Variants in TCHHL1 observed in about 807,000 individuals in gnomAD.
The protein encoded by TCHHL1 is trichohyalin like 1.
TCHHL1 carries 1 observed loss-of-function variant against 3.5 expected under a neutral mutation model. The ratio of observed to expected loss-of-function variants is 0.29; its 90% CI spans 0.10 to 1.36. The LOEUF is 1.36. TCHHL1 is among the 40% of genes most tolerant of loss of function. The pLI is 0.43. For missense variants in TCHHL1, 1,027 were observed against 1,032.8 expected (o/e 0.99, Z 0.08); for synonymous variants, 405 against 375.3 (o/e 1.08, Z -0.92).
In TCHHL1 at chr1:152,085,131, T is replaced by G; in HGVS notation, c.2551A>C (p.Asn851His). The change falls in exon 3 of 3, where the codon AAC becomes CAC. Residue 851 changes from asparagine to histidine, a missense_variant. Physicochemically the swap from Asn to His is moderately conservative, Grantham distance 68. This residue lies in a region of TCHHL1 where 673 missense variants were observed against 658.6 expected (regional missense o/e 1.02). Coordinates refer to ENST00000368806, the MANE Select transcript of TCHHL1 (RefSeq NM_001008536.2). ...SEISDCSVFF[N>H]YSQASQPYTR... is the part of the protein sequence containing the mutation. ...TATGGTTGTGATGCTTGGCTGTAGT[T>G]GAAAAAGACAGAACAATCTGAGATC... 6.2e-7 allele frequency: 1 copy of G among 1,614,092 alleles called. No homozygotes were observed. The highest frequency in any genetic ancestry group is 8.5e-7 in the Non-Finnish European group (1 of 1,180,030).
rs377535000 is a variant in TCHHL1 at position 152,087,227 on chromosome 1, A to T, written c.455T>A (p.Val152Asp). The T allele has an allele frequency of 6.2e-7, 1 of 1,613,988 alleles. No individual in the cohort carries two copies. Among genetic ancestry groups the T allele is most frequent in the South Asian group, 1.1e-5 (1 of 91,076 alleles). ...CCATGGGTCCACTCTGTTATTTCCA[A>T]CTGCTCCACTTTCTTCAGGGATGAG... ...SQLIPEESGA[V>D]GNNRVDPWRE... is the part of the protein sequence containing the mutation. Residue 152 changes from valine to aspartate, a missense_variant, in exon 3 of 3, where the codon GTT becomes GAT. By Grantham distance (152) the Val-to-Asp change is radical. Coordinates refer to ENST00000368806, the MANE Select transcript of TCHHL1 (RefSeq NM_001008536.2).
chr1:152,085,247 T>C lies in TCHHL1; in HGVS notation c.2435A>G (p.Gln812Arg), dbSNP rs1396112028. The C allele has an allele frequency of 6.2e-7, 1 of 1,614,130 alleles. No homozygotes were observed. Among genetic ancestry groups the C allele is most frequent in the African/African-American group, 1.3e-5 (1 of 74,930 alleles). ...YQYLQEKILQ[Q>R]TNVTQEEHQK... is the part of the protein sequence containing the mutation. ...ATGCTCCTCTTGGGTTACATTTGTT[T>C]GCTGCAGTATCTTCTCCTGTAGGTA... Residue 812 changes from glutamine (Q) to arginine (R), a missense_variant, in exon 3 of 3, where the codon CAA (glutamine) becomes CGA (arginine). Gln to Arg is a conservative substitution (Grantham distance 43). Around this residue, in one of 3 missense-constraint regions of TCHHL1, gnomAD observed 673 missense variants for 658.6 expected, o/e 1.02. Transcript: ENST00000368806.
chr1:152,084,338 G>A lies in TCHHL1; in HGVS notation c.*629C>T. 6.0e-6 allele frequency: 1 copy of A among 167,046 alleles called. No individual in the cohort carries two copies. 10.3% of individuals were successfully genotyped at this position (167,046 alleles called of 1,614,324 possible). On this transcript the variant is annotated 3_prime_UTR_variant, in exon 3 of 3. Transcript: ENST00000368806. Reference sequence around the variant, plus strand: ...AAAAGCTATGAAAAGTTTGTGTAAGGAGTGGGATTTAATAAAAATTTGTTG... The same window carrying A: ...AAAAGCTATGAAAAGTTTGTGTAAGAAGTGGGATTTAATAAAAATTTGTTG...
In TCHHL1 at chr1:152,084,729, T is replaced by C. The variant is rs1420680423; in HGVS notation, c.*238A>G. ...AGGTACATTGAGATAAACTGTCTCA[T>C]GACAAAGCCCATTTTGGCATTTGGA... On this transcript the variant is annotated 3_prime_UTR_variant, in exon 3 of 3. Transcript: ENST00000368806. The C allele has an allele frequency of 2.1e-6, 1 of 486,794 alleles. No individual in the cohort carries two copies. The highest frequency in any genetic ancestry group is 3.6e-6 in the Non-Finnish European group (1 of 278,608). The allele number at this position is 486,794 out of a possible 1,614,324, so 30.2% of individuals were successfully genotyped here. A position where few individuals can be genotyped will look rare whatever the true frequency, so the allele number is the denominator to read the frequency against.
chr1:152,086,005 A>G lies in TCHHL1; in HGVS notation c.1677T>C (p.Asn559=), dbSNP rs1030662161. The part of the protein sequence containing the change: ...TPNSLASEEG[N]SSSETGELPV... Reference sequence around the variant, plus strand: ...GCAGTTCACCTGTCTCTGAGCTGCTATTGCCTTCCTCTGAAGCCAGGCTGT... The same window carrying G: ...GCAGTTCACCTGTCTCTGAGCTGCTGTTGCCTTCCTCTGAAGCCAGGCTGT... The change falls in exon 3 of 3, where the codon AAT becomes AAC. Residue 559 remains asparagine (N), a synonymous_variant. Coordinates refer to ENST00000368806, the MANE Select transcript of TCHHL1 (RefSeq NM_001008536.2). 1.2e-6 allele frequency: 2 copies of G among 1,614,068 alleles called. No individual in the cohort carries two copies. Among genetic ancestry groups the G allele is most frequent in the Non-Finnish European group, 8.5e-7 (1 of 1,180,018 alleles).
chr1:152,087,010 C>T lies in TCHHL1; in HGVS notation c.672G>A (p.Arg224=). The T allele has an allele frequency of 3.1e-6, 5 of 1,614,128 alleles. No homozygotes were observed. The highest frequency in any genetic ancestry group is 4.2e-6 in the Non-Finnish European group (5 of 1,180,036). Residue 224 remains arginine, a synonymous_variant, in exon 3 of 3, where the codon AGG becomes AGA. Coordinates refer to ENST00000368806, the MANE Select transcript of TCHHL1 (RefSeq NM_001008536.2). ...GSKKTSSPTE[R]KGQDKEISQE... ...GGGAGATCTCCTTATCTTGTCCCTT[C>T]CTCTCTGTGGGACTGCTGGTCTTTT...
Position 152,086,079 on chromosome 1 carries a change from G to T in TCHHL1, c.1603C>A (p.Pro535Thr), listed in dbSNP as rs1485654568. ...TCACTCTGTGTGAATGGTGACTCAG[G>T]GTCCTCCCCCTGGTAACCATCCTCC... ...EEEDGYQGED[P>T]ESPFTQSDEG... Residue 535 changes from proline (P) to threonine (T), a missense_variant, in exon 3 of 3, where the codon CCT becomes ACT. This residue lies in a region of TCHHL1 where 673 missense variants were observed against 658.6 expected (regional missense o/e 1.02). Transcript: ENST00000368806. The T allele has an allele frequency of 1.2e-6, 2 of 1,614,094 alleles. No homozygotes were observed. The highest frequency in any genetic ancestry group is 2.2e-5 in the South Asian group (2 of 91,072).
At position 152,087,957 on chromosome 1, in the gene TCHHL1, A is replaced by T. The variant is rs758627184; in HGVS notation, c.138+49T>A. ...ATATGCTCATCTTGCTTGGATTATAAAGAAAGGGTGAGTTGGAAAGAATTT... is the reference window on the plus strand; with the variant it reads ...ATATGCTCATCTTGCTTGGATTATATAGAAAGGGTGAGTTGGAAAGAATTT... On this transcript the variant is annotated intron_variant, in intron 2 of 2. Coordinates refer to ENST00000368806, the MANE Select transcript of TCHHL1 (RefSeq NM_001008536.2). The T allele has an allele frequency of 7.9e-6, 12 of 1,525,090 alleles. No homozygotes were observed. In the East Asian group the frequency reaches 2.7e-4, roughly 35 times the overall value. 94.5% of individuals were successfully genotyped at this position (1,525,090 alleles called of 1,614,324 possible). A position where few individuals can be genotyped will look rare whatever the true frequency, so the allele number is the denominator to read the frequency against.
At position 152,086,630 on chromosome 1, in the gene TCHHL1, C is replaced by T. The variant is rs533471967; in HGVS notation, c.1052G>A (p.Gly351Asp). 5.0e-6 allele frequency: 8 copies of T among 1,614,142 alleles called. No homozygotes were observed. The highest frequency in any genetic ancestry group is 1.7e-5 in the Admixed American group (1 of 60,018). ...DQTPAKTKNL[G>D]EPEDYGRTSE... is the part of the protein sequence containing the mutation. ...TGTTCTGCCATAATCCTCAGGTTCA[C>T]CCAAATTCTTTGTTTTAGCTGGTGT... The change falls in exon 3 of 3, where the codon GGT becomes GAT. Residue 351 changes from glycine to aspartate, a missense_variant. Gly to Asp is a moderately conservative substitution (Grantham distance 94). This residue lies in a region of TCHHL1 where 673 missense variants were observed against 658.6 expected (regional missense o/e 1.02). Coordinates refer to ENST00000368806, the MANE Select transcript of TCHHL1 (RefSeq NM_001008536.2).
At position 152,085,765 on chromosome 1, in the gene TCHHL1, C is replaced by T. The variant is rs996934668; in HGVS notation, c.1917G>A (p.Gly639=). The change falls in exon 3 of 3, where the codon GGG becomes GGA. Residue 639 remains glycine (G), a synonymous_variant. Transcript: ENST00000368806. ...CCACAGCTGCACCTGGGCCTTTGGTCCCTGGGCCTTGATTCTTGTGTTCTC... is the reference window on the plus strand; with the variant it reads ...CCACAGCTGCACCTGGGCCTTTGGTTCCTGGGCCTTGATTCTTGTGTTCTC... ...ARGEHKNQGP[G]TKGPGAAVEP... 3.1e-6 allele frequency: 5 copies of T among 1,614,130 alleles called. No individual in the cohort carries two copies. The highest frequency in any genetic ancestry group is 4.2e-6 in the Non-Finnish European group (5 of 1,180,024).
rs1228614408 is a variant in TCHHL1 at position 152,086,795 on chromosome 1, T to C, written c.887A>G (p.Glu296Gly). Residue 296 changes from glutamate (E) to glycine (G), a missense_variant, in exon 3 of 3, where the codon GAA becomes GGA. Glu to Gly is a moderately conservative substitution (Grantham distance 98, BLOSUM62 -2). Transcript: ENST00000368806. ...SNIQEPPLQREDEPSSQHADL... is the reference protein window; with the variant it reads ...SNIQEPPLQRGDEPSSQHADL... Reference sequence around the variant, plus strand: ...AGCATGCTGTGAACTGGGCTCATCTTCTCTTTGTAGGGGTGGTTCTTGTAT... The same window carrying C: ...AGCATGCTGTGAACTGGGCTCATCTCCTCTTTGTAGGGGTGGTTCTTGTAT... The C allele has an allele frequency of 6.2e-7, 1 of 1,614,050 alleles. No homozygotes were observed. The highest frequency in any genetic ancestry group is 8.5e-7 in the Non-Finnish European group (1 of 1,180,038).
chr1:152,086,688 C>T lies in TCHHL1; in HGVS notation c.994G>A (p.Asp332Asn). Reference protein sequence around the residue: ...TDSKDVCRMFDTQEPGKDADQ... With the variant: ...TDSKDVCRMFNTQEPGKDADQ... The stretch of plus-strand genomic sequence containing the variant: ...GCATCCTTTCCTGGTTCTTGAGTGT[C>T]AAACATTCTACAGACATCCTTGGAA... Residue 332 changes from aspartate to asparagine, a missense_variant, in exon 3 of 3, where the codon GAC becomes AAC. Coordinates refer to ENST00000368806, the MANE Select transcript of TCHHL1 (RefSeq NM_001008536.2). 1 of 1,614,156 alleles carries T rather than the reference C, an allele frequency of 6.2e-7. No homozygotes were observed. Among genetic ancestry groups the T allele is most frequent in the Non-Finnish European group, 8.5e-7 (1 of 1,180,028 alleles).
Position 152,087,392 on chromosome 1 carries a change from C to T in TCHHL1, c.290G>A (p.Arg97Lys). 6.2e-7 allele frequency: 1 copy of T among 1,613,294 alleles called. No individual in the cohort carries two copies. The highest frequency in any genetic ancestry group is 1.1e-5 in the South Asian group (1 of 91,068). ...CTCCTTCTCTGGTTTAGTCACCTGT[C>T]TTAGTTCAGAACTTAGTAATGATTT... is the stretch of plus-strand genomic sequence containing the variant. ...DIKSLLSSEL[R>K]QVTKPEKEKL... The change falls in exon 3 of 3, where the codon AGA becomes AAA. Residue 97 changes from arginine to lysine, a missense_variant. Physicochemically the swap from Arg to Lys is conservative, Grantham distance 26 (BLOSUM62 2). Transcript: ENST00000368806.
At chr1:152,088,283 T>C (rs778057006) in intron 1 of TCHHL1, 120 bp from the exon 2 acceptor site, 9 of 814,336 alleles carry the variant, frequency 1.1e-5, no homozygotes, top group African/African-American at 1.7e-5. Flanking sequence ...ATTCTGTATC[T>C]TAAAATATTA....
rs1350343274 is a variant in TCHHL1 at position 152,084,990 on chromosome 1, C to A, written c.2692G>T (p.Glu898Ter). The A allele has an allele frequency of 6.2e-7, 1 of 1,613,570 alleles. No homozygotes were observed. Among genetic ancestry groups the A allele is most frequent in the Non-Finnish European group, 8.5e-7 (1 of 1,179,796 alleles). The change falls in exon 3 of 3, where the codon GAG (glutamate) becomes TAG (stop). Residue 898 changes from glutamate (E) to a stop codon, truncating the protein, a stop_gained. Transcript: ENST00000368806. LOFTEE classifies it high-confidence loss of function. ...ATTCATTGCTTTGTGGTGCTTGCCT[C>A]CCTTTGTAGTACCAGCCTCTCTCTC... ...PQRERLVLQR[E>*]ASTTKQ
Position 152,086,183 on chromosome 1 carries a change from T to C in TCHHL1, c.1499A>G (p.Gln500Arg). The C allele has an allele frequency of 6.2e-7, 1 of 1,614,224 alleles. No individual in the cohort carries two copies. Among genetic ancestry groups the C allele is most frequent in the Non-Finnish European group, 8.5e-7 (1 of 1,180,034 alleles). ...CTGCTTCTCAAGTGGTGCTAAATCT[T>C]GTGTTCTTTCTCTTGCCCCCAGTGT... ...ERTLGARERT[Q>R]DLAPLEKQSV... is the part of the protein sequence containing the mutation. Residue 500 changes from glutamine (Q) to arginine (R), a missense_variant, in exon 3 of 3, where the codon CAA becomes CGA. Transcript: ENST00000368806.
At position 152,087,138 on chromosome 1, in the gene TCHHL1, G is replaced by A; in HGVS notation, c.544C>T (p.His182Tyr). The change falls in exon 3 of 3, where the codon CAC becomes TAC. Residue 182 changes from histidine (H) to tyrosine (Y), a missense_variant. By Grantham distance (83) the His-to-Tyr change is moderately conservative (BLOSUM62 2). Coordinates refer to ENST00000368806, the MANE Select transcript of TCHHL1 (RefSeq NM_001008536.2). ...TGACTTTGTTCATCTCCTTCCAGGT[G>A]TTTGTTCTTAGGATCATTGTGTTCA... is the stretch of plus-strand genomic sequence containing the variant. ...ASEHNDPKNK[H>Y]LEGDEQSQEV... 6 of 1,614,190 alleles carry A rather than the reference G, an allele frequency of 3.7e-6. No homozygotes were observed. Among genetic ancestry groups the A allele is most frequent in the Non-Finnish European group, 5.1e-6 (6 of 1,180,034 alleles).
At position 152,086,743 on chromosome 1, in the gene TCHHL1, C is replaced by T; in HGVS notation, c.939G>A (p.Arg313=). 3 of 1,614,142 alleles carry T rather than the reference C, an allele frequency of 1.9e-6. No homozygotes were observed. The highest frequency in any genetic ancestry group is 2.5e-6 in the Non-Finnish European group (3 of 1,180,038). The change falls in exon 3 of 3, where the codon AGG becomes AGA. Residue 313 remains arginine, a synonymous_variant. Transcript: ENST00000368806. ...TTGATTTCTGTGTCTGAGATGGTGA[C>T]CTGGCAGCAGCTTGTTCTGGCAGGT... ...HADLPEQAAA[R]SPSQTQKSTD...
rs1657679311 is a variant in TCHHL1 at position 152,084,508 on chromosome 1, T to A, written c.*459A>T. 2 of 153,656 alleles carry A rather than the reference T, an allele frequency of 1.3e-5. No individual in the cohort carries two copies. The highest frequency in any genetic ancestry group is 4.1e-4 in the South Asian group (2 of 4,850). The allele number at this position is 153,656 out of a possible 1,614,324, so 9.5% of individuals were successfully genotyped here. A position where few individuals can be genotyped will look rare whatever the true frequency, so the allele number is the denominator to read the frequency against. On this transcript the variant is annotated 3_prime_UTR_variant, in exon 3 of 3. Transcript: ENST00000368806. The stretch of plus-strand genomic sequence containing the variant: ...TAAAATTATTTTGAAGGATAAAATT[T>A]TAGGATGAACTTGAAATACTTCTAG...
Sources: allele counts gnomAD v4.1 joint callset, GRCh38; gene constraint gnomAD v4.1.1; regional missense constraint gnomAD v4.1.1; transcripts MANE v1.5; gene names NCBI Gene and HGNC (gene_info 2026-07-23, HGNC 2026-07-21).